GAK: variants seen among roughly 807,000 people sequenced by gnomAD.
GAK encodes cyclin G associated kinase, also known as cyclin-G-associated kinase.
A neutral mutation model predicts 143.9 loss-of-function variants in GAK; 79 were observed. The observed-to-expected ratio is 0.55, with a 90% CI of 0.46 to 0.66. The LOEUF is 0.66. Among genes scored for constraint, GAK ranks in the 30% least tolerant of loss-of-function variants. The pLI, the probability that GAK is intolerant of heterozygous loss-of-function variation, is 0.00. For synonymous variants in GAK, 881 were observed against 765.5 expected, an observed-to-expected ratio of 1.15 and a Z score of -2.49; for missense variants, 1,693 against 1,779.7, an observed-to-expected ratio of 0.95 and a Z score of 0.88.
intron 1 of GAK, among the ~76,000 whole-genome samples, chr4:919,321 A>G (rs868339883): frequency 6.2e-3 from 432 of 69,766 alleles, no homozygotes; most frequent in Middle Eastern, 0.013. Context: ...AGGCCTCAGC[A>G]CCCCATGACC....
rs1715428807 is a variant in GAK, at chr4:882,829, C to T, written c.1405-10G>A. ...AGCCACACTCGGAGACCTGTGGGGA[C>T]AGGGCACGGTGGCACGGACGGCAGA... On this transcript the variant is annotated splice_polypyrimidine_tract_variant and intron_variant, in intron 13 of 27. Coordinates refer to ENST00000314167, the MANE Select transcript of GAK (RefSeq NM_005255.4). 1.9e-6 allele frequency: 3 copies of T among 1,607,798 alleles called. No individual in the cohort carries two copies. Among genetic ancestry groups the T allele is most frequent in the Non-Finnish European group, 2.5e-6 (3 of 1,179,554 alleles).
At chr4:882,927 G>A (rs1715457721) in intron 13 of GAK, 108 bp from the exon 14 acceptor site, 6 of 1,416,262 alleles carry the variant, frequency 4.2e-6, no homozygotes, top group African/African-American at 1.4e-5. Flanking sequence ...GCCAGCTGGT[G>A]TCATGAACAG....
In GAK at chr4:893,508, G is replaced by A. The variant is rs757456966; in HGVS notation, c.878-19C>T. 40 of 1,525,426 alleles carry A rather than the reference G, an allele frequency of 2.6e-5. No homozygotes were observed. The highest frequency in any genetic ancestry group is 1.8e-4 in the African/African-American group (13 of 72,118). 94.5% of individuals were successfully genotyped at this position (1,525,426 alleles called of 1,614,324 possible). Reference sequence around the variant, plus strand: ...ATGGCGCCTGCAGCAGAAGCACAGCGCGCTCGGCCCCACGGTTCCCCAGGC... The same window carrying A: ...ATGGCGCCTGCAGCAGAAGCACAGCACGCTCGGCCCCACGGTTCCCCAGGC... On this transcript the variant is annotated intron_variant, in intron 8 of 27. Coordinates refer to ENST00000314167, the MANE Select transcript of GAK (RefSeq NM_005255.4).
chr4:870,852 C>T lies in GAK; in HGVS notation c.2107G>A (p.Val703Met), dbSNP rs1052972427. ...IQEKYPDLFQ[V>M]NLEVEVEPRD... is the part of the protein sequence containing the mutation. ...GGCTCCACCTCCACTTCCAGGTTCA[C>T]TTGAAATAAATCCGGGTATTTTTCT... The change falls in exon 19 of 28, where the codon GTG (valine) becomes ATG (methionine). Residue 703 changes from valine to methionine, a missense_variant. Transcript: ENST00000314167. The T allele has an allele frequency of 1.2e-6, 2 of 1,614,044 alleles. No individual in the cohort carries two copies. The highest frequency in any genetic ancestry group is 1.7e-5 in the Admixed American group (1 of 59,988).
chr4:883,298 A>G lies in GAK; in HGVS notation c.1404+17T>C. 6.2e-7 allele frequency: 1 copy of G among 1,612,088 alleles called. No individual in the cohort carries two copies. The highest frequency in any genetic ancestry group is 8.5e-7 in the Non-Finnish European group (1 of 1,179,344). ...AAGCTCCAGAGTGGCACCAAGACAA[A>G]GCCTGTGGCCACACACCCGGTTGTG... On this transcript the variant is annotated intron_variant, in intron 13 of 27. Coordinates refer to ENST00000314167, the MANE Select transcript of GAK (RefSeq NM_005255.4).
intron 1 of GAK, among the ~76,000 whole-genome samples, chr4:929,360 T>C (rs1197146047): frequency 6.6e-6 from 1 of 152,208 alleles, no homozygotes; most frequent in Non-Finnish European, 1.5e-5. Flanking sequence ...CGTTTTCTTT[T>C]CTGCCTCAAT....
intron 11 of GAK, chr4:884,297 G>C: frequency 1.8e-6 from 1 of 552,024 alleles, no homozygotes. Context: ...GAAACGGATG[G>C]AAATGACAGC....
chr4:867,409 C>A lies in GAK; in HGVS notation c.2419G>T (p.Ala807Ser). The A allele has an allele frequency of 6.5e-7, 1 of 1,536,904 alleles. No homozygotes were observed. The part of the protein sequence containing the change: ...WQEEKEAETG[A>S]ENASSKESES... Reference sequence around the variant, plus strand: ...CTCTCCTTGGAAGAGGCATTTTCTGCACCAGTCTCTGCCTCCTTCTCTTCT... The same window carrying A: ...CTCTCCTTGGAAGAGGCATTTTCTGAACCAGTCTCTGCCTCCTTCTCTTCT... Residue 807 changes from alanine (A) to serine (S), a missense_variant, in exon 21 of 28, where the codon GCA becomes TCA. By Grantham distance (99) the Ala-to-Ser change is moderately conservative (BLOSUM62 1). This residue lies in a region of GAK where 822 missense variants were observed against 788.7 expected (regional missense o/e 1.04). Transcript: ENST00000314167.
chr4:882,054 A>T lies in GAK; in HGVS notation c.1528-14T>A. ...GGCTCTCCCGTCCTAGGACAGACAG[A>T]CACGTCTCGCGTGCGCCTCGCACTC... On this transcript the variant is annotated splice_polypyrimidine_tract_variant and intron_variant, in intron 14 of 27. Transcript: ENST00000314167. The T allele has an allele frequency of 6.3e-7, 1 of 1,592,660 alleles. No individual in the cohort carries two copies. Among genetic ancestry groups the T allele is most frequent in the Non-Finnish European group, 8.6e-7 (1 of 1,169,250 alleles).
At chr4:873,633 C>A (rs914123357) in intron 18 of GAK, among the ~76,000 whole-genome samples, 2 of 152,192 alleles carry the variant, frequency 1.3e-5, no homozygotes, top group Non-Finnish European at 2.9e-5. Context: ...ATGTCACTGC[C>A]CTCGCCCCTG....
intron 5 of GAK, among the ~76,000 whole-genome samples, chr4:899,037 A>G (rs1382119007): frequency 6.6e-6 from 1 of 152,102 alleles, no homozygotes; most frequent in Non-Finnish European, 1.5e-5. Context: ...ACGCGTGACA[A>G]GGCAGCAACG....
intron 3 of GAK, 126 bp from the exon 4 acceptor site, chr4:911,913 G>A: frequency 5.5e-6 from 4 of 723,538 alleles, no homozygotes; most frequent in South Asian, 1.6e-5. Flanking sequence ...TACAATTTTA[G>A]ACGTCAGAGC....
At chr4:855,439 G>A (rs1053205111) in intron 24 of GAK, among the ~76,000 whole-genome samples, 5 of 152,134 alleles carry the variant, frequency 3.3e-5, no homozygotes, top group Non-Finnish European at 7.3e-5. Context: ...TGTTGACCTG[G>A]TATCCTGCGA....
chr4:866,326 G>A (rs1294706316), intron 22 of GAK, 38 bp downstream of exon 22: 44 of 1,595,458 alleles, frequency 2.8e-5, no homozygotes, highest in African/African-American at 5.4e-5. Context: ...TGAGGGAGGC[G>A]GCCATGGAGA....
chr4:913,880 C>CCA (rs1722476366), intron 1 of GAK: 1 of 402,774 alleles, frequency 2.5e-6, no homozygotes, highest in Non-Finnish European at 4.4e-6. Context: ...CACGGCCCCC[C>CCA]CACACACACA....
Position 859,505 on chromosome 4 carries a change from G to C in GAK, c.3283+101C>G, listed in dbSNP as rs1749898424. On this transcript the variant is annotated intron_variant, in intron 24 of 27. Coordinates refer to ENST00000314167, the MANE Select transcript of GAK (RefSeq NM_005255.4). Reference sequence around the variant, plus strand: ...CTGGGCTTGGGGGTCTTAGTGAACAGAGGCAAAGACTTCACTTTGGGCAGC... The same window carrying C: ...CTGGGCTTGGGGGTCTTAGTGAACACAGGCAAAGACTTCACTTTGGGCAGC... 4 of 1,599,478 alleles carry C rather than the reference G, an allele frequency of 2.5e-6. 1 individual carries two copies.
At chr4:902,478 T>C (rs1162288927) in intron 5 of GAK, among the ~76,000 whole-genome samples, 1 of 150,926 alleles carries the variant, frequency 6.6e-6, no homozygotes, top group Non-Finnish European at 1.5e-5. Flanking sequence ...GGTGTGCGCC[T>C]GTGGTCCCAG....
Position 876,619 on chromosome 4 carries a change from G to C in GAK, c.1975-10C>G, listed in dbSNP as rs764850655. The stretch of plus-strand genomic sequence containing the variant: ...TCTTCATGGATGCCATCTGCAAAGA[G>C]AGCAAACACGACACCCCACGTGGAG... On this transcript the variant is annotated splice_polypyrimidine_tract_variant and intron_variant, in intron 17 of 27. Transcript: ENST00000314167. The C allele has an allele frequency of 1.9e-6, 3 of 1,612,990 alleles. No individual in the cohort carries two copies. Among genetic ancestry groups the C allele is most frequent in the Admixed American group, 1.7e-5 (1 of 60,032 alleles).
In GAK at chr4:865,114, G is replaced by C. The variant is rs750684808; in HGVS notation, c.3166+8C>G. The C allele has an allele frequency of 5.0e-6, 8 of 1,607,334 alleles. No individual in the cohort carries two copies. In the Admixed American group the frequency reaches 1.3e-4, roughly 27 times the overall value. On this transcript the variant is annotated splice_region_variant and intron_variant, in intron 23 of 27. Coordinates refer to ENST00000314167, the MANE Select transcript of GAK (RefSeq NM_005255.4). ...GGGAGCCCTGTCCTTGGTGGGTGGTGGCCATACCTTCTGTGGCTGGCGTGG... is the reference window on the plus strand; with the variant it reads ...GGGAGCCCTGTCCTTGGTGGGTGGTCGCCATACCTTCTGTGGCTGGCGTGG...
Sources: allele counts gnomAD v4.1 joint callset (sites outside exome capture counted in the v4.1 genomes callset), GRCh38; gene constraint gnomAD v4.1.1; regional missense constraint gnomAD v4.1.1; transcripts MANE v1.5; gene names NCBI Gene and HGNC (gene_info 2026-07-23, HGNC 2026-07-21).